The following ZEB2 variants were observed in gnomAD, a reference collection of about 807,000 sequenced individuals.
ZEB2 encodes the protein zinc finger E-box binding homeobox 2.
ZEB2 carries 6 observed loss-of-function variants against 99.9 expected under a neutral mutation model. The ratio of observed to expected loss-of-function variants is 0.06; its 90% CI spans 0.03 to 0.12. The LOEUF (loss-of-function observed/expected upper bound fraction) is 0.12. ZEB2 is among the 10% of genes least tolerant of loss of function. The pLI is 1.00. For missense variants in ZEB2, 969 were observed against 1,502.8 expected (o/e 0.64, Z 5.87); for synonymous variants, 517 against 542.5 (o/e 0.95, Z 0.65).
intron 2 of ZEB2, among the ~76,000 whole-genome samples, chr2:144,498,072 T>TTATATATTATATAATATATATTAA (rs1704809924): frequency 6.3e-5 from 2 of 31,696 alleles, no homozygotes; most frequent in African/African-American, 1.5e-4. Context: ...TATATTAATA[T>TTATATATTATATAATATATATTAA]TATATATTAT....
chr2:144,432,754 A>AT (rs1380360833), intron 2 of ZEB2, among the ~76,000 whole-genome samples: 1 of 152,108 alleles, frequency 6.6e-6, no homozygotes, highest in African/African-American at 2.4e-5. Context: ...TCATTTTCCC[A>AT]TTTGGACCTG....
At chr2:144,422,850 T>G (rs758420818) in intron 4 of ZEB2, among the ~76,000 whole-genome samples, 2 of 152,134 alleles carry the variant, frequency 1.3e-5, no homozygotes, top group Non-Finnish European at 2.9e-5. Flanking sequence ...TAAATAATTA[T>G]GGCTCCTACC....
chr2:144,403,536 T>C (rs747509741), intron 6 of ZEB2, among the ~76,000 whole-genome samples: 4 of 152,140 alleles, frequency 2.6e-5, no homozygotes, highest in Non-Finnish European at 5.9e-5. Context: ...ACTTAGATCC[T>C]ATATGAAAAG....
In ZEB2 at chr2:144,384,626, T is replaced by A. The variant is rs927454747; in HGVS notation, c.*4825A>T. 3.3e-5 allele frequency: 5 copies of A among 151,666 alleles called. No individual in the cohort carries two copies. Among genetic ancestry groups the A allele is most frequent in the Non-Finnish European group, 5.9e-5 (4 of 67,902 alleles). The allele number at this position is 151,666 out of a possible 1,614,324, so 9.4% of individuals were successfully genotyped here. On this transcript the variant is annotated 3_prime_UTR_variant, in exon 10 of 10. Coordinates refer to ENST00000627532, the MANE Select transcript of ZEB2 (RefSeq NM_014795.4). ...AGGTCTTTTTTTTTTTTAACATGGA[T>A]ACAGGAAAAGAAAACTCTCCAATAA...
intron 4 of ZEB2, 45 bp downstream of exon 4, chr2:144,424,751 A>G (rs763648171): frequency 1.2e-6 from 2 of 1,609,788 alleles, no homozygotes; most frequent in South Asian, 1.1e-5. Flanking sequence ...CTAAACCCAC[A>G]TGACACAGGA....
chr2:144,496,796 A>G (rs1289756206), intron 2 of ZEB2: 1 of 152,218 alleles, frequency 6.6e-6, no homozygotes, highest in Non-Finnish European at 1.5e-5. Flanking sequence ...GGGTCCCAGC[A>G]CATTGTTAAG....
In ZEB2 at chr2:144,384,260, C is replaced by T. The variant is rs187285356; in HGVS notation, c.*5191G>A. ...GCTAGATTATAGGTAGTAGGCGACT[C>T]GTTTAATAGAGAAAGTTTTAGCTTG... is the stretch of plus-strand genomic sequence containing the variant. On this transcript the variant is annotated 3_prime_UTR_variant, in exon 10 of 10. Transcript: ENST00000627532. 3.0e-4 allele frequency: 46 copies of T among 151,560 alleles called. No homozygotes were observed. Among genetic ancestry groups the T allele is most frequent in the Admixed American group, 5.9e-4 (9 of 15,158 alleles). The allele number at this position is 151,560 out of a possible 1,614,324, so 9.4% of individuals were successfully genotyped here.
intron 4 of ZEB2, among the ~76,000 whole-genome samples, chr2:144,407,771 T>C (rs1188244942): frequency 2.0e-5 from 3 of 152,210 alleles, no homozygotes; most frequent in African/African-American, 7.2e-5. Flanking sequence ...GGTTAAGACA[T>C]GGTTTAAGTT....
intron 2 of ZEB2, among the ~76,000 whole-genome samples, chr2:144,448,269 T>C (rs1165098037): frequency 1.3e-5 from 2 of 152,144 alleles, no homozygotes; most frequent in Non-Finnish European, 2.9e-5. Context: ...GCATGAAATA[T>C]ATAATTTAGG....
intron 2 of ZEB2, among the ~76,000 whole-genome samples, chr2:144,456,546 G>A (rs1704124372): frequency 6.6e-6 from 1 of 151,958 alleles, no homozygotes; most frequent in African/African-American, 2.4e-5. Flanking sequence ...TGGTTCACAT[G>A]GGGGACTTCC....
chr2:144,484,223 A>T (rs1330761561), intron 2 of ZEB2, among the ~76,000 whole-genome samples: 1 of 33,348 alleles, frequency 3.0e-5, no homozygotes, highest in African/African-American at 6.6e-5. Context: ...GAAATAGCCC[A>T]ATTTTTAAAT....
At chr2:144,403,354 T>G (rs908466953) in intron 6 of ZEB2, among the ~76,000 whole-genome samples, 2 of 152,106 alleles carry the variant, frequency 1.3e-5, no homozygotes, top group African/African-American at 4.8e-5. Context: ...AACGTTTTAG[T>G]ACTAATCCAA....
chr2:144,445,387 C>G (rs1271674784), intron 2 of ZEB2, among the ~76,000 whole-genome samples: 1 of 148,542 alleles, frequency 6.7e-6, no homozygotes, highest in Non-Finnish European at 1.5e-5. Flanking sequence ...TAGATTGCAG[C>G]ATGAACAAAT....
chr2:144,400,491 T>C, intron 7 of ZEB2: 3 of 630,892 alleles, frequency 4.8e-6, no homozygotes, highest in Non-Finnish European at 8.2e-6. Flanking sequence ...GTAAGGGCTA[T>C]CTATGCCTTT....
chr2:144,486,335 A>G (rs1704596715), intron 2 of ZEB2, among the ~76,000 whole-genome samples: 1 of 150,938 alleles, frequency 6.6e-6, no homozygotes, highest in Non-Finnish European at 1.5e-5. Context: ...TTCAACGAAC[A>G]TGGAGAAAGA....
At chr2:144,459,613 G>A (rs548003376) in intron 2 of ZEB2, among the ~76,000 whole-genome samples, 7 of 151,992 alleles carry the variant, frequency 4.6e-5, no homozygotes, top group Non-Finnish European at 1.0e-4. Context: ...AAATGCATAG[G>A]GCACTTTGTG....
intron 4 of ZEB2, among the ~76,000 whole-genome samples, chr2:144,414,368 A>T (rs1424042076): frequency 6.6e-6 from 1 of 152,168 alleles, no homozygotes; most frequent in East Asian, 1.9e-4. Context: ...AAGAGCTTCA[A>T]GACAGCAACT....
At chr2:144,427,288 G>C (rs746635001) in intron 3 of ZEB2, 2 of 152,158 alleles carry the variant, frequency 1.3e-5, no homozygotes, top group Non-Finnish European at 2.9e-5. Flanking sequence ...AGAATGTCAA[G>C]GACAATTCCA....
intron 4 of ZEB2, chr2:144,424,353 TG>T (rs760613106): frequency 2.5e-4 from 131 of 518,650 alleles, no homozygotes; most frequent in Non-Finnish European, 3.4e-4. Context: ...TTGAGAGAAA[TG>T]TTCGTGGAAA....
Sources: gnomAD v4.1 joint callset for allele counts (sites outside exome capture counted in the v4.1 genomes callset) on GRCh38, gnomAD v4.1.1 for gene constraint, MANE v1.5 for transcripts, NCBI Gene and HGNC (gene_info 2026-07-23, HGNC 2026-07-21) for gene names.